NRP2: variants seen among roughly 807,000 people sequenced by gnomAD.
NRP2 encodes the protein neuropilin-2.
A neutral mutation model predicts 110.4 loss-of-function variants in NRP2; 52 were observed. The ratio of observed to expected loss-of-function variants is 0.47; its 90% confidence interval spans 0.38 to 0.59. The LOEUF is 0.59. Among genes scored for constraint, NRP2 ranks in the 20% least tolerant of loss-of-function variants. NRP2 has a pLI of 0.00. For missense variants in NRP2, 1,049 were observed against 1,203.0 expected (o/e 0.87, Z 1.89); for synonymous variants, 508 against 468.9 (o/e 1.08, Z -1.08).
At chr2:205,765,828 G>C in intron 14 of NRP2, 3 of 583,712 alleles carry the variant, frequency 5.1e-6, no homozygotes. Context: ...AGAGGTTCAG[G>C]GTGCCAAGAC....
chr2:205,724,463 TTCCACCAAA>T (rs1005963923), intron 5 of NRP2, among the ~76,000 whole-genome samples: 11 of 152,232 alleles, frequency 7.2e-5, no homozygotes, highest in Admixed American at 1.3e-4. Context: ...GACTTCACCC[TTCCACCAAA>T]GATAGTTTGT....
intron 13 of NRP2, chr2:205,764,255 AC>A: frequency 2.8e-6 from 1 of 360,256 alleles, no homozygotes; most frequent in South Asian, 2.8e-5. Flanking sequence ...ACACAAACAA[AC>A]CCTCCACACA....
intron 14 of NRP2, 36 bp downstream of exon 14, chr2:205,765,606 A>G (rs774939087): frequency 1.9e-6 from 3 of 1,554,558 alleles, no homozygotes; most frequent in South Asian, 2.2e-5. Flanking sequence ...GTTCTTTCAA[A>G]TAAGACCCCA....
chr2:205,720,810 C>A (rs1164716376), intron 3 of NRP2, among the ~76,000 whole-genome samples: 1 of 152,186 alleles, frequency 6.6e-6, no homozygotes, highest in Non-Finnish European at 1.5e-5. Context: ...CCAGCTCATC[C>A]CTCCAGGACT....
rs1225717296 is a variant in NRP2, at chr2:205,686,443, T to C, written c.73+3080T>C. 6.6e-6 allele frequency among the ~76,000 whole-genome samples: 1 copy of C among 152,186 alleles called. No homozygotes were observed. Among genetic ancestry groups the C allele is most frequent in the Non-Finnish European group, 1.5e-5 (1 of 68,028 alleles). ...TTCACGGCCGATGCTTCATTTTCAC[T>C]GATTGATTTCTTTTTAATATCAACA... On this transcript the variant is annotated intron_variant, in intron 1 of 16. Transcript: ENST00000357785. This position sits in a 1 kb window ranked among gnomAD's most constrained non-coding sequence, Gnocchi z 4.7.
chr2:205,755,727 G>A (rs114497676), intron 12 of NRP2, among the ~76,000 whole-genome samples: 3,537 of 152,194 alleles, frequency 0.023, 145 homozygotes, highest in African/African-American at 0.08. Context: ...CACAGAGTCA[G>A]CCTGAAAGCC....
rs774739180 is a variant in NRP2 at position 205,683,243 on chromosome 2, A to G, written c.-48A>G. 17 of 1,363,496 alleles carry G rather than the reference A, an allele frequency of 1.2e-5. No individual in the cohort carries two copies. In the African/African-American group the frequency reaches 2.0e-4, roughly 16 times the overall value. 84.5% of individuals were successfully genotyped at this position (1,363,496 alleles called of 1,614,324 possible). A position where few individuals can be genotyped will look rare whatever the true frequency, so the allele number is the denominator to read the frequency against. ...AAAGAGAGAAAAACACAAAGATTTA[A>G]ACAAGAAACCTACGAACCCAGCTCT... On this transcript the variant is annotated 5_prime_UTR_variant, in exon 1 of 17. Coordinates refer to ENST00000357785, the MANE Select transcript of NRP2 (RefSeq NM_003872.3).
chr2:205,783,890 C>T (rs778525511), intron 15 of NRP2, among the ~76,000 whole-genome samples: 93 of 151,850 alleles, frequency 6.1e-4, no homozygotes, highest in Non-Finnish European at 9.7e-4. Context: ...CTTTCCCTGA[C>T]CTGCCAAAAA....
chr2:205,777,563 G>C (rs2058119423), intron 15 of NRP2: 1 of 152,238 alleles, frequency 6.6e-6, no homozygotes, highest in African/African-American at 2.4e-5. Context: ...GGAGGAGAGG[G>C]AAGAACTGAA....
intron 11 of NRP2, 65 bp from the exon 12 acceptor site, chr2:205,752,770 C>A: frequency 6.4e-7 from 1 of 1,560,986 alleles, no homozygotes; most frequent in Non-Finnish European, 8.8e-7. Flanking sequence ...TAAATAGTAC[C>A]ACTGTGGCTG....
intron 15 of NRP2, among the ~76,000 whole-genome samples, chr2:205,770,974 A>G (rs113382809): frequency 0.021 from 3,240 of 152,292 alleles, 82 homozygotes; most frequent in African/African-American, 0.06. Context: ...TTTACCACTC[A>G]TGTAAACAAC....
chr2:205,755,420 T>A (rs750599371), intron 12 of NRP2, among the ~76,000 whole-genome samples: 3 of 152,186 alleles, frequency 2.0e-5, no homozygotes, highest in Non-Finnish European at 4.4e-5. Context: ...GTGGCACTTA[T>A]AACCTGCCTC....
rs557991600 is a variant in NRP2, at chr2:205,734,511, G to A, written c.1147-6008G>A. 8.0e-5 allele frequency among the ~76,000 whole-genome samples: 12 copies of A among 150,226 alleles called. 1 individual carries two copies. The South Asian group carries it at 2.5e-3, about 32-fold the overall frequency. ...GATTAGCAATTTATTTTTACGTGTA[G>A]ACCCAATGGCTGGTTTCAGAGCAGA... On this transcript the variant is annotated intron_variant, in intron 7 of 16. Transcript: ENST00000357785.
chr2:205,728,292 A>T (rs2057169584), intron 7 of NRP2, among the ~76,000 whole-genome samples: 1 of 152,226 alleles, frequency 6.6e-6, no homozygotes, highest in Admixed American at 6.5e-5. Flanking sequence ...GAGCTTGCAG[A>T]GTGTTCTCTG....
intron 12 of NRP2, among the ~76,000 whole-genome samples, chr2:205,754,526 A>T (rs1559349904): frequency 6.6e-6 from 1 of 152,350 alleles, no homozygotes; most frequent in African/African-American, 2.4e-5. Context: ...CACTTACCCC[A>T]GTCCAGCCTT....
chr2:205,769,439 C>A (rs1398681505), intron 15 of NRP2, among the ~76,000 whole-genome samples: 1 of 151,028 alleles, frequency 6.6e-6, no homozygotes, highest in East Asian at 2.0e-4. Context: ...TGATTTCTTG[C>A]CATGCAATAT....
intron 15 of NRP2, among the ~76,000 whole-genome samples, chr2:205,770,775 CT>C (rs970595781): frequency 1.3e-5 from 2 of 152,220 alleles, no homozygotes; most frequent in African/African-American, 4.8e-5. Context: ...CCCCCACCCC[CT>C]TATGTCTCCA....
intron 12 of NRP2, among the ~76,000 whole-genome samples, chr2:205,757,175 G>A (rs2057747653): frequency 6.6e-6 from 1 of 152,212 alleles, no homozygotes; most frequent in South Asian, 2.1e-4. Context: ...ATATTGAACA[G>A]AGCTTTGACT....
rs1559326187 is a variant in NRP2 at position 205,722,165 on chromosome 2, T to TACA, written c.434-313_434-312insACA. The TACA allele has an allele frequency of 2.7e-3, 910 of 337,344 alleles. 6 individuals are homozygous for TACA. Among genetic ancestry groups the TACA allele is most frequent in the African/African-American group, 0.02 (849 of 42,780 alleles). 20.9% of individuals were successfully genotyped at this position (337,344 alleles called of 1,614,324 possible). A position where few individuals can be genotyped will look rare whatever the true frequency, so the allele number is the denominator to read the frequency against. ...GAATCCCTCTCTCTCTCTCTCTCTC[T>TACA]CTCTCATACACACACACACACACAC... On this transcript the variant is annotated intron_variant, in intron 3 of 16. Transcript: ENST00000357785.
Sources: allele counts gnomAD v4.1 joint callset (sites outside exome capture counted in the v4.1 genomes callset), GRCh38; gene constraint gnomAD v4.1.1; non-coding constraint Gnocchi (gnomAD v3.1); transcripts MANE v1.5; gene names NCBI Gene and HGNC (gene_info 2026-07-23, HGNC 2026-07-21).